The following CLPSL1 variants were observed in gnomAD, a reference collection of about 807,000 sequenced individuals.
CLPSL1 encodes colipase like 1.
A neutral mutation model predicts 9.3 loss-of-function variants in CLPSL1; 13 were observed. The ratio of observed to expected loss-of-function variants is 1.40; its 90% CI spans 0.91 to 2.22. CLPSL1 has a LOEUF of 2.22. CLPSL1 is among the 30% of genes most tolerant of loss of function. The pLI is 0.00. For synonymous variants in CLPSL1, 58 were observed against 56.9 expected (o/e 1.02, Z -0.08); for missense variants, 164 against 146.6 (o/e 1.12, Z -0.61).
At chr6:35,785,503 AT>A (rs1768052086) in intron 1 of CLPSL1, among the ~76,000 whole-genome samples, 1 of 151,342 alleles carries the variant, frequency 6.6e-6, no homozygotes, top group Admixed American at 6.6e-5. Context: ...ATACTCCTCC[AT>A]TTTTTCTCTT....
In CLPSL1 at chr6:35,781,147, CTCT is replaced by C. The variant is rs1246667856; in HGVS notation, c.45_47del (p.Phe16del). 22 of 1,613,984 alleles carry C rather than the reference CTCT, an allele frequency of 1.4e-5. No individual in the cohort carries two copies. Among genetic ancestry groups the C allele is most frequent in the Admixed American group, 6.7e-5 (4 of 60,000 alleles). Reference sequence around the variant, plus strand: ...CCAATGGCTGCTGCTGCTGTTCCTTCTCTTCTTCTTTCTCTTCCTCCTCACCAG... The same window carrying C: ...CCAATGGCTGCTGCTGCTGTTCCTTCTCTTCTTTCTCTTCCTCCTCACCAG... On this transcript the variant is annotated inframe_deletion, in exon 1 of 3. Transcript: ENST00000373861.
intron 1 of CLPSL1, among the ~76,000 whole-genome samples, chr6:35,782,965 AT>A (rs1445018412): frequency 5.3e-5 from 8 of 152,156 alleles, no homozygotes; most frequent in African/African-American, 1.4e-4. Context: ...TGTTATGTAT[AT>A]AACATATGTG....
intron 2 of CLPSL1, 36 bp downstream of exon 2, chr6:35,787,156 C>G: frequency 6.2e-7 from 1 of 1,606,264 alleles, no homozygotes; most frequent in South Asian, 1.1e-5. Flanking sequence ...CAGAGGGGAT[C>G]CAGGGGAAGT....
chr6:35,789,868 T>C (rs1431841704), downstream of CLPSL1, among the ~76,000 whole-genome samples: 1 of 152,090 alleles, frequency 6.6e-6, no homozygotes, highest in African/African-American at 2.4e-5. Context: ...CACTCCAGCC[T>C]GGGCAAGAGA....
At chr6:35,788,279 C>T, downstream of CLPSL1, 1 of 453,158 alleles carries the variant, frequency 2.2e-6, no homozygotes, top group Non-Finnish European at 4.1e-6. Context: ...GGGTCTTTCC[C>T]CAGTTGGGGC....
downstream of CLPSL1, among the ~76,000 whole-genome samples, chr6:35,791,576 C>T (rs1768210737): frequency 6.6e-6 from 1 of 151,768 alleles, no homozygotes; most frequent in Non-Finnish European, 1.5e-5. Context: ...CCATTGCATT[C>T]CGGCCTGGGT....
At chr6:35,785,913 C>T (rs550596545) in intron 1 of CLPSL1, among the ~76,000 whole-genome samples, 45 of 143,756 alleles carry the variant, frequency 3.1e-4, no homozygotes, top group African/African-American at 1.2e-3. Flanking sequence ...TGCACCACTG[C>T]ACTCCAGCCT....
chr6:35,791,826 C>T (rs1318249295), downstream of CLPSL1, among the ~76,000 whole-genome samples: 2 of 151,938 alleles, frequency 1.3e-5, no homozygotes, highest in African/African-American at 2.4e-5. Flanking sequence ...CTAGCACTTT[C>T]GGAGGCCTAG....
chr6:35,787,974 T>C lies in CLPSL1; in HGVS notation c.330T>C (p.Ile110=). The part of the protein sequence containing the change: ...LSIAYGRCQK[I]GRQKLAKKMF... ...TCGCCTATGGCCGTTGTCAGAAAAT[T>C]GGAAGGCAGAAGTTGGCTAAGAAAA... Residue 110 remains isoleucine (I), a synonymous_variant, in exon 3 of 3, where the codon ATT becomes ATC. Transcript: ENST00000373861. The C allele has an allele frequency of 6.2e-7, 1 of 1,613,840 alleles. No individual in the cohort carries two copies. Among genetic ancestry groups the C allele is most frequent in the East Asian group, 2.2e-5 (1 of 44,878 alleles).
chr6:35,782,329 A>G (rs1344850352), intron 1 of CLPSL1, among the ~76,000 whole-genome samples: 1 of 152,212 alleles, frequency 6.6e-6, no homozygotes, highest in African/African-American at 2.4e-5. Context: ...ATTCTCATTT[A>G]TTCAACAGTT....
chr6:35,786,090 C>A (rs1007633838), intron 1 of CLPSL1, among the ~76,000 whole-genome samples: 6 of 151,974 alleles, frequency 3.9e-5, no homozygotes, highest in South Asian at 4.1e-4. Context: ...CATGGCGAAA[C>A]CCCGTCTCTA....
chr6:35,787,659 G>A (rs1436615569), intron 2 of CLPSL1, among the ~76,000 whole-genome samples: 1 of 152,268 alleles, frequency 6.6e-6, no homozygotes, highest in Non-Finnish European at 1.5e-5. Flanking sequence ...GGGTTACAAG[G>A]TCTGGAGCTG....
At chr6:35,791,809 T>C (rs967034935), downstream of CLPSL1, among the ~76,000 whole-genome samples, 11 of 152,142 alleles carry the variant, frequency 7.2e-5, no homozygotes, top group African/African-American at 2.7e-4. Flanking sequence ...GGCTCACACC[T>C]ATAATCCTAG....
downstream of CLPSL1, among the ~76,000 whole-genome samples, chr6:35,792,161 G>A (rs1458818736): frequency 6.6e-6 from 1 of 152,152 alleles, no homozygotes; most frequent in African/African-American, 2.4e-5. Context: ...TATAGTTCTA[G>A]CACTTGGGGA....
At chr6:35,786,949 G>A (rs748233212) in intron 1 of CLPSL1, 49 bp from the exon 2 acceptor site, 6 of 1,546,112 alleles carry the variant, frequency 3.9e-6, no homozygotes, top group Non-Finnish European at 5.2e-6. Flanking sequence ...GGGCGGCGAG[G>A]GCGGAAGGCG....
chr6:35,793,597 A>T (rs531584204), exon 2 of CLPSL1: 1 of 470,124 alleles, frequency 2.1e-6, no homozygotes, highest in Non-Finnish European at 4.4e-6. Flanking sequence ...GCTACCAGCC[A>T]CCAAAAGAAT....
downstream of CLPSL1, among the ~76,000 whole-genome samples, chr6:35,790,680 C>G (rs1229357803): frequency 1.3e-5 from 2 of 152,252 alleles, no homozygotes. Context: ...AGTTTCGTGA[C>G]CTGACTGTTT....
At chr6:35,783,190 G>A (rs1349114817) in intron 1 of CLPSL1, among the ~76,000 whole-genome samples, 2 of 152,128 alleles carry the variant, frequency 1.3e-5, no homozygotes, top group African/African-American at 2.4e-5. Context: ...AACTTTGTAT[G>A]ATGAAATCAC....
chr6:35,787,307 A>G (rs775601946), intron 2 of CLPSL1, among the ~76,000 whole-genome samples, 187 bp downstream of exon 2: 6 of 152,224 alleles, frequency 3.9e-5, no homozygotes, highest in Non-Finnish European at 8.8e-5. Flanking sequence ...ATGGTAGCCC[A>G]CCCTAGGGTT....
Sources: gnomAD v4.1 joint callset for allele counts (sites outside exome capture counted in the v4.1 genomes callset) on GRCh38, gnomAD v4.1.1 for gene constraint, MANE v1.5 for transcripts, NCBI Gene and HGNC (gene_info 2026-07-23, HGNC 2026-07-21) for gene names.